The following POU3F3 variants were observed in gnomAD, a reference collection of about 807,000 sequenced individuals.
The protein encoded by POU3F3 is POU domain, class 3, transcription factor 3.
POU3F3 carries 1 observed loss-of-function variant against 8.6 expected under a neutral mutation model. That is an observed-to-expected ratio of 0.12 (90% CI 0.04 to 0.55). POU3F3 has a LOEUF of 0.55. POU3F3 is among the 20% of genes least tolerant of loss of function. The probability of loss-of-function intolerance (pLI) is 0.91; values close to 1 mark genes in which losing one functional copy is unlikely to be tolerated. For missense variants in POU3F3, 577 were observed against 690.7 expected, an observed-to-expected ratio of 0.84 and a Z score of 1.84; for synonymous variants, 418 against 327.4, an observed-to-expected ratio of 1.28 and a Z score of -2.99.
chr2:104,897,049 C>T, the POU3F3 span, among the ~76,000 whole-genome samples: 38 of 152,290 alleles, frequency 2.5e-4, no homozygotes, highest in Non-Finnish European at 3.8e-4. Flanking sequence ...TGAAAGCTTA[C>T]GGTTAAAATC....
In POU3F3 at chr2:104,857,044, C is replaced by G; in HGVS notation, c.*31C>G. Reference sequence around the variant, plus strand: ...GGGCGCAGAGCGAAGAGGGCCGCCGCCGCCGCCGCCTCCGCAGCCGCCGTC... The same window carrying G: ...GGGCGCAGAGCGAAGAGGGCCGCCGGCGCCGCCGCCTCCGCAGCCGCCGTC... On this transcript the variant is annotated 3_prime_UTR_variant, in exon 1 of 1. Coordinates refer to ENST00000361360, the MANE Select transcript of POU3F3 (RefSeq NM_006236.3). 1 of 1,418,726 alleles carries G rather than the reference C, an allele frequency of 7.0e-7. No individual in the cohort carries two copies. Among genetic ancestry groups the G allele is most frequent in the Non-Finnish European group, 9.3e-7 (1 of 1,079,600 alleles). 87.9% of individuals were successfully genotyped at this position (1,418,726 alleles called of 1,614,324 possible). A position where few individuals can be genotyped will look rare whatever the true frequency, so the allele number is the denominator to read the frequency against.
chr2:104,906,139 T>C, the POU3F3 span, among the ~76,000 whole-genome samples: 1 of 152,244 alleles, frequency 6.6e-6, no homozygotes, highest in South Asian at 2.1e-4. Flanking sequence ...TTCCTCACTT[T>C]AAGATTATAG....
At chr2:104,862,623 G>C (rs1379299769), downstream of POU3F3, among the ~76,000 whole-genome samples, 1 of 152,166 alleles carries the variant, frequency 6.6e-6, no homozygotes, top group Admixed American at 6.5e-5. Flanking sequence ...GGCCCGGCAC[G>C]GCCGGGCGGC....
the POU3F3 span, among the ~76,000 whole-genome samples, chr2:104,913,094 G>A: frequency 6.6e-6 from 1 of 152,198 alleles, no homozygotes; most frequent in Non-Finnish European, 1.5e-5. Context: ...TGGATGTGGG[G>A]CAATTGAAAC....
chr2:104,890,126 C>T, the POU3F3 span, among the ~76,000 whole-genome samples: 2 of 152,102 alleles, frequency 1.3e-5, no homozygotes, highest in Non-Finnish European at 2.9e-5. Flanking sequence ...AAAAAGGGCT[C>T]CCCAGAGAAT....
the POU3F3 span, among the ~76,000 whole-genome samples, chr2:104,870,412 C>T: frequency 6.6e-6 from 1 of 152,248 alleles, no homozygotes; most frequent in Non-Finnish European, 1.5e-5. Context: ...TCACTAGCAG[C>T]TCAGGTTTCT....
the POU3F3 span, among the ~76,000 whole-genome samples, chr2:104,894,660 C>A: frequency 6.6e-6 from 1 of 151,754 alleles, no homozygotes; most frequent in Non-Finnish European, 1.5e-5. Context: ...GGACAGAATT[C>A]AAAAAACACA....
the POU3F3 span, among the ~76,000 whole-genome samples, chr2:104,894,919 C>CT: frequency 2.0e-5 from 3 of 152,082 alleles, no homozygotes; most frequent in African/African-American, 4.8e-5. Context: ...CTGGTGTTCT[C>CT]TTTTTTTTCT....
the POU3F3 span, among the ~76,000 whole-genome samples, chr2:104,907,931 G>T: frequency 1.3e-5 from 2 of 152,234 alleles, no homozygotes; most frequent in South Asian, 4.1e-4. Flanking sequence ...ATGTGTGAGA[G>T]TGTGTGTGTA....
At chr2:104,926,293 A>G in the POU3F3 span, among the ~76,000 whole-genome samples, 1 of 152,234 alleles carries the variant, frequency 6.6e-6, no homozygotes, top group South Asian at 2.1e-4. Flanking sequence ...AAGTGGGTGA[A>G]GGATATGAAC....
chr2:104,856,166 G>A lies in POU3F3; in HGVS notation c.656G>A (p.Ser219Asn). The change falls in exon 1 of 1, where the codon AGT (serine) becomes AAT (asparagine). Residue 219 changes from serine (S) to asparagine (N), a missense_variant. Ser to Asn is a conservative substitution (Grantham distance 46). Coordinates refer to ENST00000361360, the MANE Select transcript of POU3F3 (RefSeq NM_006236.3). ...MAGGQQPPPQ[S>N]LLYSQPGGFT... ...GGGGGCCAGCAGCCGCCGCCGCAGAGTCTGCTCTACTCGCAGCCCGGAGGC... is the reference window on the plus strand; with the variant it reads ...GGGGGCCAGCAGCCGCCGCCGCAGAATCTGCTCTACTCGCAGCCCGGAGGC... 1 of 1,265,270 alleles carries A rather than the reference G, an allele frequency of 7.9e-7. No individual in the cohort carries two copies. Among genetic ancestry groups the A allele is most frequent in the Non-Finnish European group, 9.9e-7 (1 of 1,007,040 alleles). 78.4% of individuals were successfully genotyped at this position (1,265,270 alleles called of 1,614,324 possible). A position where few individuals can be genotyped will look rare whatever the true frequency, so the allele number is the denominator to read the frequency against.
chr2:104,890,751 G>A, the POU3F3 span, among the ~76,000 whole-genome samples: 5 of 152,258 alleles, frequency 3.3e-5, no homozygotes, highest in African/African-American at 9.6e-5. Context: ...CTCCACACTC[G>A]GGTAAAAGAG....
the POU3F3 span, among the ~76,000 whole-genome samples, chr2:104,900,426 T>C: frequency 6.6e-6 from 1 of 152,204 alleles, no homozygotes; most frequent in Non-Finnish European, 1.5e-5. Flanking sequence ...TAATTTGACA[T>C]GATGTTTAGA....
In POU3F3 at chr2:104,856,944, C is replaced by T. The variant is rs1487663507; in HGVS notation, c.1434C>T (p.Tyr478=). The T allele has an allele frequency of 1.9e-6, 3 of 1,613,182 alleles. No individual in the cohort carries two copies. Among genetic ancestry groups the T allele is most frequent in the Non-Finnish European group, 2.5e-6 (3 of 1,179,892 alleles). ...GIQQQTPDDV[Y]SQVGTVSADT... is the part of the protein sequence containing the mutation. ...AACAGCAGACGCCCGACGACGTCTA[C>T]TCGCAGGTGGGCACCGTGAGCGCCG... The change falls in exon 1 of 1, where the codon TAC becomes TAT. Residue 478 remains tyrosine (Y), a synonymous_variant. Coordinates refer to ENST00000361360, the MANE Select transcript of POU3F3 (RefSeq NM_006236.3).
chr2:104,903,964 G>A, the POU3F3 span, among the ~76,000 whole-genome samples: 1 of 152,208 alleles, frequency 6.6e-6, no homozygotes, highest in Non-Finnish European at 1.5e-5. Context: ...GAGTTGAAAT[G>A]ATTGGAAGTC....
the POU3F3 span, among the ~76,000 whole-genome samples, chr2:104,873,850 C>T: frequency 3.3e-5 from 5 of 152,336 alleles, no homozygotes; most frequent in African/African-American, 1.2e-4. Flanking sequence ...GCTCGGGGAC[C>T]CTCCCCTGAG....
chr2:104,897,347 C>T, the POU3F3 span, among the ~76,000 whole-genome samples: 1 of 152,204 alleles, frequency 6.6e-6, no homozygotes, highest in Non-Finnish European at 1.5e-5. Flanking sequence ...ACCTGGGTCT[C>T]TGCTCCCCAA....
At chr2:104,891,652 G>T in the POU3F3 span, among the ~76,000 whole-genome samples, 1 of 152,172 alleles carries the variant, frequency 6.6e-6, no homozygotes, top group African/African-American at 2.4e-5. Flanking sequence ...GTTTGGAAAT[G>T]GGCCTTTGGT....
the POU3F3 span, among the ~76,000 whole-genome samples, chr2:104,900,458 C>A: frequency 7.2e-5 from 11 of 152,164 alleles, no homozygotes; most frequent in African/African-American, 2.7e-4. Context: ...TAACTTAAGT[C>A]TTTTAATTAA....
Sources: gnomAD v4.1 joint callset for allele counts (sites outside exome capture counted in the v4.1 genomes callset) on GRCh38, gnomAD v4.1.1 for gene constraint, MANE v1.5 for transcripts, NCBI Gene and HGNC (gene_info 2026-07-23, HGNC 2026-07-21) for gene names.